CEP44: variants seen among roughly 807,000 people sequenced by gnomAD.
CEP44 encodes centrosomal protein of 44 kDa.
CEP44 carries 45 observed loss-of-function variants against 46.7 expected under a neutral mutation model. The ratio of observed to expected loss-of-function variants is 0.96; its 90% CI spans 0.76 to 1.24. The LOEUF is 1.24. Among genes scored for constraint, CEP44 ranks in the 50% most tolerant of loss-of-function variants. CEP44 has a pLI of 0.00. For missense variants in CEP44, 475 were observed against 459.7 expected, an observed-to-expected ratio of 1.03 and a Z score of -0.30; for synonymous variants, 142 against 146.0, an observed-to-expected ratio of 0.97 and a Z score of 0.20.
chr4:174,295,215 T>C (rs1738819977), intron 1 of CEP44, among the ~76,000 whole-genome samples: 1 of 148,374 alleles, frequency 6.7e-6, no homozygotes, highest in African/African-American at 2.5e-5. Flanking sequence ...GCGGAGGGGC[T>C]CCTCACTTCT....
Position 174,318,423 on chromosome 4 carries a change from G to A in CEP44, c.*1040G>A. The stretch of plus-strand genomic sequence containing the variant: ...AGGTGTTGTGTTTTGTTTTTTTAAT[G>A]ATGAAAAGTTACACATTTTTTGGAG... On this transcript the variant is annotated 3_prime_UTR_variant, in exon 12 of 12. Transcript: ENST00000503780. 1 of 984,688 alleles carries A rather than the reference G, an allele frequency of 1.0e-6. No homozygotes were observed. Among genetic ancestry groups the A allele is most frequent in the Non-Finnish European group, 1.2e-6 (1 of 829,410 alleles). 61.0% of individuals were successfully genotyped at this position (984,688 alleles called of 1,614,324 possible).
In CEP44 at chr4:174,287,128, C is replaced by T. The variant is rs1046689851; in HGVS notation, c.-148+3185C>T. 7.9e-5 allele frequency among the ~76,000 whole-genome samples: 12 copies of T among 152,040 alleles called. No individual in the cohort carries two copies. The highest frequency in any genetic ancestry group is 2.4e-4 in the African/African-American group (10 of 41,378). On this transcript the variant is annotated intron_variant, in intron 1 of 11. Coordinates refer to ENST00000503780, the MANE Select transcript of CEP44 (RefSeq NM_001040157.3). The surrounding 1 kb of genome is among the most constrained non-coding windows in gnomAD (Gnocchi z 5.1). The stretch of plus-strand genomic sequence containing the variant: ...AAGAATCAGCATCAAGAGGGGGAAT[C>T]GGTGTATTCCTTCTATTTCTAGGCC...
chr4:174,310,200 T>A lies in CEP44; in HGVS notation c.885+144T>A. On this transcript the variant is annotated intron_variant, in intron 8 of 11. Coordinates refer to ENST00000503780, the MANE Select transcript of CEP44 (RefSeq NM_001040157.3). This position sits in a 1 kb window ranked among gnomAD's most constrained non-coding sequence, Gnocchi z 4.2. Reference sequence around the variant, plus strand: ...TGTCTAGTTAGAATGAAGTCCTGTTTAAATATAGCCTGTATGTTGTTGTGG... The same window carrying A: ...TGTCTAGTTAGAATGAAGTCCTGTTAAAATATAGCCTGTATGTTGTTGTGG... 1 of 728,754 alleles carries A rather than the reference T, an allele frequency of 1.4e-6. No individual in the cohort carries two copies. The highest frequency in any genetic ancestry group is 2.2e-6 in the Non-Finnish European group (1 of 457,164). The allele number at this position is 728,754 out of a possible 1,614,324, so 45.1% of individuals were successfully genotyped here. A position where few individuals can be genotyped will look rare whatever the true frequency, so the allele number is the denominator to read the frequency against.
Position 174,286,387 on chromosome 4 carries a change from T to G in CEP44, c.-148+2444T>G, listed in dbSNP as rs958311633. 6.6e-6 allele frequency among the ~76,000 whole-genome samples: 1 copy of G among 152,250 alleles called. No individual in the cohort carries two copies. The highest frequency in any genetic ancestry group is 6.5e-5 in the Admixed American group (1 of 15,288). ...GAGGAAAAGATCACACTAACCCAGC[T>G]TCACCTGATTTATGAATTGTTCTGT... is the stretch of plus-strand genomic sequence containing the variant. On this transcript the variant is annotated intron_variant, in intron 1 of 11. Transcript: ENST00000503780. The surrounding 1 kb of genome is among the most constrained non-coding windows in gnomAD (Gnocchi z 5.2).
At chr4:174,307,608 A>C (rs973311683) in intron 6 of CEP44, among the ~76,000 whole-genome samples, 4 of 152,250 alleles carry the variant, frequency 2.6e-5, no homozygotes, top group African/African-American at 9.6e-5. Flanking sequence ...AAAAGTTGAT[A>C]AATGGGATCT....
chr4:174,300,594 G>T (rs1052203424), intron 3 of CEP44, among the ~76,000 whole-genome samples: 1 of 151,796 alleles, frequency 6.6e-6, no homozygotes, highest in Non-Finnish European at 1.5e-5. Flanking sequence ...ACAATTTTTA[G>T]ATTATTATAT....
intron 5 of CEP44, 75 bp from the exon 6 acceptor site, chr4:174,304,172 A>G (rs2126602069): frequency 6.9e-7 from 1 of 1,440,734 alleles, no homozygotes; most frequent in East Asian, 2.5e-5. Flanking sequence ...GAAAATTTAA[A>G]TGTTAATGGA....
chr4:174,330,004 T>G (rs982446933), intron 8 of CEP44, among the ~76,000 whole-genome samples: 3 of 152,330 alleles, frequency 2.0e-5, no homozygotes, highest in African/African-American at 7.2e-5. Context: ...TTATTCAGAA[T>G]ATGTTCTGAA....
Position 174,291,787 on chromosome 4 carries a change from C to CTTTTTTTTTTTTTT in CEP44, c.-147-6167_-147-6154dup, listed in dbSNP as rs56201469. Among the ~76,000 whole-genome samples the CTTTTTTTTTTTTTT allele has an allele frequency of 5.7e-3, 264 of 46,404 alleles. 24 individuals are homozygous for CTTTTTTTTTTTTTT. Among genetic ancestry groups the CTTTTTTTTTTTTTT allele is most frequent in the Non-Finnish European group, 6.9e-3 (178 of 25,886 alleles). 30.4% of individuals were successfully genotyped at this position (46,404 alleles called of 152,430 possible). A position where few individuals can be genotyped will look rare whatever the true frequency, so the allele number is the denominator to read the frequency against. Reference sequence around the variant, plus strand: ...CTTTATTCTTTTATCTTTTTCTTTTCTTTTTTTTTTTTTTTTTTTTTTTTT... The same window carrying CTTTTTTTTTTTTTT: ...CTTTATTCTTTTATCTTTTTCTTTTCTTTTTTTTTTTTTTTTTTTTTTTTTTTTTTTTTTTTTTT... On this transcript the variant is annotated intron_variant, in intron 1 of 11. Transcript: ENST00000503780.
At chr4:174,308,191 A>G (rs1191589034) in intron 6 of CEP44, among the ~76,000 whole-genome samples, 14 of 152,130 alleles carry the variant, frequency 9.2e-5, no homozygotes, top group Non-Finnish European at 1.5e-4. Flanking sequence ...ACATGGAATC[A>G]AGCTAAATAC....
Position 174,286,406 on chromosome 4 carries a change from G to A in CEP44, c.-148+2463G>A, listed in dbSNP as rs1737591022. Among the ~76,000 whole-genome samples, 1 of 152,268 alleles carries A rather than the reference G, an allele frequency of 6.6e-6. No individual in the cohort carries two copies. The highest frequency in any genetic ancestry group is 1.9e-4 in the East Asian group (1 of 5,188). The stretch of plus-strand genomic sequence containing the variant: ...CCCAGCTTCACCTGATTTATGAATT[G>A]TTCTGTTTTCATTTTAATATAATGA... On this transcript the variant is annotated intron_variant, in intron 1 of 11. Transcript: ENST00000503780. This position sits in a 1 kb window ranked among gnomAD's most constrained non-coding sequence, Gnocchi z 5.2.
rs755430063 is a variant in CEP44, at chr4:174,310,046, T to C, written c.875T>C (p.Leu292Ser). 1.2e-6 allele frequency: 2 copies of C among 1,610,398 alleles called. No individual in the cohort carries two copies. Among genetic ancestry groups the C allele is most frequent in the Non-Finnish European group, 8.5e-7 (1 of 1,178,322 alleles). Residue 292 changes from leucine to serine, a missense_variant, in exon 8 of 12, where the codon TTG becomes TCG. Coordinates refer to ENST00000503780, the MANE Select transcript of CEP44 (RefSeq NM_001040157.3). The surrounding 1 kb of genome is among the most constrained non-coding windows in gnomAD (Gnocchi z 4.2). The part of the protein sequence containing the change: ...RVTLLETEML[L>S]SKKNDEFIEF... ...ACTCTTCTTGAAACAGAAATGCTTT[T>C]GTCTAAAAAGGTATTTTCCTCCTTT...
intron 1 of CEP44, among the ~76,000 whole-genome samples, chr4:174,296,422 C>A (rs963306160): frequency 6.6e-6 from 1 of 152,132 alleles, no homozygotes. Flanking sequence ...GTTTGGTCCT[C>A]TAATTTTCTT....
At position 174,312,600 on chromosome 4, in the gene CEP44, G is replaced by A. The variant is rs1016758429; in HGVS notation, c.961+1742G>A. Among the ~76,000 whole-genome samples the A allele has an allele frequency of 2.0e-5, 3 of 152,076 alleles. No individual in the cohort carries two copies. Among genetic ancestry groups the A allele is most frequent in the Non-Finnish European group, 2.9e-5 (2 of 68,014 alleles). On this transcript the variant is annotated intron_variant, in intron 9 of 11. Coordinates refer to ENST00000503780, the MANE Select transcript of CEP44 (RefSeq NM_001040157.3). This position sits in a 1 kb window ranked among gnomAD's most constrained non-coding sequence, Gnocchi z 4.5. ...ATTACAGGTGTGAGTTAACATGTCCGGGTTCACATAGCTAAATTTCAACAA... is the reference window on the plus strand; with the variant it reads ...ATTACAGGTGTGAGTTAACATGTCCAGGTTCACATAGCTAAATTTCAACAA...
At chr4:174,308,572 G>A (rs2126627028) in intron 6 of CEP44, 117 bp from the exon 7 acceptor site, 14 of 903,856 alleles carry the variant, frequency 1.5e-5, no homozygotes, top group East Asian at 2.6e-5. Flanking sequence ...AACCCCCATG[G>A]CACACATTTA....
intron 7 of CEP44, 88 bp downstream of exon 7, chr4:174,308,947 C>A: frequency 8.7e-7 from 1 of 1,143,472 alleles, no homozygotes; most frequent in Non-Finnish European, 1.3e-6. Context: ...TGGAATATTT[C>A]TAGCCTTTTG....
downstream of CEP44, among the ~76,000 whole-genome samples, chr4:174,322,233 T>A (rs1742368438): frequency 1.3e-5 from 2 of 152,162 alleles, no homozygotes; most frequent in South Asian, 4.1e-4. Context: ...CACCATTTTT[T>A]AAAATCATCA....
At chr4:174,316,696 C>A in intron 11 of CEP44, 129 bp downstream of exon 11, 1 of 736,008 alleles carries the variant, frequency 1.4e-6, no homozygotes, top group African/African-American at 1.8e-5. Flanking sequence ...GAATTTCCTT[C>A]AGGACTCCAC....
In CEP44 at chr4:174,331,133, A is replaced by G. The variant is rs1731299269; in HGVS notation, c.1087-349A>G. ...ATGCTCATCACAATGGAGTATTTTC[A>G]TTTTTAATTAGTACGTAAATTAGAT... On this transcript the variant is annotated intron_variant, in intron 8 of 8. Transcript: ENST00000426172. This position sits in a 1 kb window ranked among gnomAD's most constrained non-coding sequence, Gnocchi z 4.5. Among the ~76,000 whole-genome samples, 1 of 151,916 alleles carries G rather than the reference A, an allele frequency of 6.6e-6. No individual in the cohort carries two copies. Among genetic ancestry groups the G allele is most frequent in the Non-Finnish European group, 1.5e-5 (1 of 67,988 alleles).
Sources: allele counts gnomAD v4.1 joint callset (sites outside exome capture counted in the v4.1 genomes callset), GRCh38; gene constraint gnomAD v4.1.1; non-coding constraint Gnocchi (gnomAD v3.1); transcripts MANE v1.5; gene names NCBI Gene and HGNC (gene_info 2026-07-23, HGNC 2026-07-21).